NBAS: variants seen among roughly 807,000 people sequenced by gnomAD.
NBAS encodes the protein NBAS subunit of NRZ tethering complex.
A neutral mutation model predicts 302.5 loss-of-function variants in NBAS; 219 were observed. The ratio of observed to expected loss-of-function variants is 0.72; its 90% CI spans 0.65 to 0.81. NBAS has a LOEUF of 0.81. Ranked by LOEUF, NBAS falls within the 30% of genes least tolerant of loss-of-function variation. The pLI is 0.00. For missense variants in NBAS, 2,932 were observed against 2,841.6 expected (o/e 1.03, Z -0.72); for synonymous variants, 1,118 against 1,021.6 (o/e 1.09, Z -1.80).
Position 15,356,296 on chromosome 2 carries a change from T to C in NBAS, c.3931+7A>G, listed in dbSNP as rs372147870. The C allele has an allele frequency of 6.2e-6, 10 of 1,606,082 alleles. No individual in the cohort carries two copies. Among genetic ancestry groups the C allele is most frequent in the African/African-American group, 1.3e-5 (1 of 74,768 alleles). ...TAAGCAAAGTGTTAAATAAGCTGTC[T>C]ACTCACCTGTGGCCATCAGCTCCTG... On this transcript the variant is annotated splice_region_variant and intron_variant, in intron 33 of 51. Transcript: ENST00000281513.
the NBAS span, among the ~76,000 whole-genome samples, chr2:14,952,715 C>A: frequency 1.3e-5 from 2 of 152,198 alleles, no homozygotes; most frequent in Non-Finnish European, 2.9e-5. Context: ...AGCAGGGAGT[C>A]TTTTCAAGGT....
the NBAS span, among the ~76,000 whole-genome samples, chr2:14,874,305 C>A: frequency 2.6e-5 from 4 of 151,954 alleles, no homozygotes. Context: ...TTCTATGAGG[C>A]CTGCACTGCC....
chr2:15,197,096 G>A (rs538800387), intron 48 of NBAS, among the ~76,000 whole-genome samples: 1 of 152,292 alleles, frequency 6.6e-6, no homozygotes, highest in South Asian at 2.1e-4. Context: ...TGATACCTTA[G>A]GGGTGCAGTA....
intron 40 of NBAS, among the ~76,000 whole-genome samples, chr2:15,304,163 T>C (rs1208645466): frequency 6.6e-6 from 1 of 152,200 alleles, no homozygotes; most frequent in Admixed American, 6.5e-5. Flanking sequence ...TGAAGATAAC[T>C]GAATCATGAG....
intron 26 of NBAS, among the ~76,000 whole-genome samples, chr2:15,399,002 A>G (rs1676013045): frequency 6.6e-6 from 1 of 152,188 alleles, no homozygotes. Flanking sequence ...AAAAACAAAT[A>G]TGGTAATCCC....
chr2:15,286,023 C>T (rs182077264), intron 42 of NBAS, among the ~76,000 whole-genome samples: 27 of 152,280 alleles, frequency 1.8e-4, no homozygotes, highest in East Asian at 9.7e-4. Context: ...TCCTGTCTCA[C>T]GGAGTGATGC....
chr2:15,027,582 T>C, the NBAS span, among the ~76,000 whole-genome samples: 3 of 152,122 alleles, frequency 2.0e-5, no homozygotes, highest in Non-Finnish European at 2.9e-5. Context: ...CTAAAAAATA[T>C]AGTTTTACTT....
At chr2:15,069,460 T>C in the NBAS span, among the ~76,000 whole-genome samples, 1 of 152,106 alleles carries the variant, frequency 6.6e-6, no homozygotes, top group East Asian at 1.9e-4. Context: ...TGCTAATGAG[T>C]TCTTTTTCTG....
chr2:14,944,768 G>A, the NBAS span, among the ~76,000 whole-genome samples: 27 of 151,876 alleles, frequency 1.8e-4, no homozygotes, highest in African/African-American at 6.1e-4. Context: ...GATGGTAAGA[G>A]AATCAGGCTT....
chr2:15,306,303 C>T (rs904006336), intron 40 of NBAS, among the ~76,000 whole-genome samples: 52 of 152,064 alleles, frequency 3.4e-4, no homozygotes, highest in African/African-American at 1.2e-3. Flanking sequence ...CAAAAAACAC[C>T]ATTCCCAAAA....
At chr2:15,134,473 T>C in the NBAS span, among the ~76,000 whole-genome samples, 1 of 152,012 alleles carries the variant, frequency 6.6e-6, no homozygotes, top group African/African-American at 2.4e-5. Flanking sequence ...TCTCTCTCTG[T>C]CTCTCTCTCA....
At chr2:15,387,707 A>G (rs780109139) in intron 28 of NBAS, among the ~76,000 whole-genome samples, 29 of 151,526 alleles carry the variant, frequency 1.9e-4, no homozygotes, top group Non-Finnish European at 3.2e-4. Flanking sequence ...TCTCGGCTCA[A>G]TGCAACCTCC....
chr2:15,177,659 CAGA>C (rs529125893), intron 51 of NBAS, among the ~76,000 whole-genome samples: 35 of 152,126 alleles, frequency 2.3e-4, no homozygotes, highest in Non-Finnish European at 4.3e-4. Context: ...TGAGAATATG[CAGA>C]AGTTTTCTCT....
chr2:15,304,126 T>C (rs1018361935), intron 40 of NBAS, among the ~76,000 whole-genome samples: 1 of 152,140 alleles, frequency 6.6e-6, no homozygotes, highest in African/African-American at 2.4e-5. Context: ...ATCCCTATAA[T>C]CCCCATGTGT....
chr2:15,264,951 C>A (rs1032417945), intron 44 of NBAS, among the ~76,000 whole-genome samples: 4 of 152,168 alleles, frequency 2.6e-5, no homozygotes, highest in Admixed American at 2.0e-4. Context: ...TGTGGTGACA[C>A]TGACATCCTT....
chr2:15,125,165 C>T, the NBAS span, among the ~76,000 whole-genome samples: 33 of 152,310 alleles, frequency 2.2e-4, no homozygotes, highest in South Asian at 6.2e-4. Flanking sequence ...GGGAGCCCAC[C>T]TGTATTAGTC....
At chr2:14,973,034 C>T in the NBAS span, among the ~76,000 whole-genome samples, 1 of 152,218 alleles carries the variant, frequency 6.6e-6, no homozygotes, top group Non-Finnish European at 1.5e-5. Flanking sequence ...CCTTCCATGG[C>T]GCTCACGCCA....
chr2:14,924,279 T>C, the NBAS span, among the ~76,000 whole-genome samples: 2 of 152,224 alleles, frequency 1.3e-5, no homozygotes, highest in African/African-American at 4.8e-5. Context: ...ATGTAAGAGA[T>C]TTCAACATCC....
intron 30 of NBAS, among the ~76,000 whole-genome samples, chr2:15,376,516 G>A (rs1229543838): frequency 6.6e-6 from 1 of 152,110 alleles, no homozygotes; most frequent in Non-Finnish European, 1.5e-5. Context: ...AAAAGAAAGA[G>A]CTAACTGCTT....
Sources: allele counts gnomAD v4.1 joint callset (sites outside exome capture counted in the v4.1 genomes callset), GRCh38; gene constraint gnomAD v4.1.1; transcripts MANE v1.5; gene names NCBI Gene and HGNC (gene_info 2026-07-23, HGNC 2026-07-21).